Variants in ZC3H11A observed in about 807,000 individuals in gnomAD.
ZC3H11A encodes zinc finger CCCH domain-containing protein 11A.
In ZC3H11A, 22 loss-of-function variants were observed where a neutral mutation model predicts 90.8. The ratio of observed to expected loss-of-function variants is 0.24; its 90% CI spans 0.17 to 0.35. The LOEUF is 0.35. Ranked by LOEUF, ZC3H11A falls within the 10% of genes least tolerant of loss-of-function variation. The pLI is 1.00. For missense variants in ZC3H11A, 701 were observed against 964.9 expected (o/e 0.73, Z 3.62); for synonymous variants, 294 against 339.8 (o/e 0.87, Z 1.48).
chr1:203,827,013 T>C (rs948821521), intron 4 of ZC3H11A, among the ~76,000 whole-genome samples: 6 of 152,158 alleles, frequency 3.9e-5, no homozygotes, highest in Non-Finnish European at 8.8e-5. Flanking sequence ...TACTCTACCA[T>C]GGAGAAGTTT....
chr1:203,848,385 G>C lies in ZC3H11A; in HGVS notation c.1601G>C (p.Ser534Thr). Residue 534 changes from serine to threonine, a missense_variant, in exon 14 of 18, where the codon AGT (serine) becomes ACT (threonine). Around this residue, in one of 4 missense-constraint regions of ZC3H11A, gnomAD observed 530 missense variants for 696.2 expected, o/e 0.76. Coordinates refer to ENST00000367210, the MANE Select transcript of ZC3H11A (RefSeq NM_001376342.1). Reference sequence around the variant, plus strand: ...GGAAATGAAGTTGATTCTCAGAGCAGTATTAGAACAGAAGCTAAAGAGGTA... The same window carrying C: ...GGAAATGAAGTTGATTCTCAGAGCACTATTAGAACAGAAGCTAAAGAGGTA... Reference protein sequence around the residue: ...QEGNEVDSQSSIRTEAKEASG... With the variant: ...QEGNEVDSQSTIRTEAKEASG... 1 of 1,611,964 alleles carries C rather than the reference G, an allele frequency of 6.2e-7. No individual in the cohort carries two copies. Among genetic ancestry groups the C allele is most frequent in the Non-Finnish European group, 8.5e-7 (1 of 1,179,276 alleles).
At chr1:203,797,714 AAAG>A (rs1558085841) in intron 1 of ZC3H11A, 2 of 1,535,200 alleles carry the variant, frequency 1.3e-6, no homozygotes, top group Non-Finnish European at 1.7e-6. Flanking sequence ...AAAAGAAAAG[AAAG>A]AAGGGTTTGC....
Position 203,806,948 on chromosome 1 carries a change from G to GT in ZC3H11A, c.-146+3938dup, listed in dbSNP as rs1672603829. On this transcript the variant is annotated intron_variant, in intron 2 of 17. Transcript: ENST00000367210. ...CAAAAATTACTACAGGATTTTTTTT[G>GT]TTTTTTACCCCTTTTACTCTAGTAA... is the stretch of plus-strand genomic sequence containing the variant. 2.5e-5 allele frequency among the ~76,000 whole-genome samples: 3 copies of GT among 121,502 alleles called. 1 individual carries two copies. In the South Asian group the frequency reaches 7.8e-4, roughly 32 times the overall value. The allele number at this position is 121,502 out of a possible 152,430, so 79.7% of individuals were successfully genotyped here. A position where few individuals can be genotyped will look rare whatever the true frequency, so the allele number is the denominator to read the frequency against.
At chr1:203,839,235 AG>A (rs1425010096) in intron 11 of ZC3H11A, among the ~76,000 whole-genome samples, 1 of 152,210 alleles carries the variant, frequency 6.6e-6, no homozygotes, top group Admixed American at 6.5e-5. Flanking sequence ...TTTAAAGACA[AG>A]GTTTCACAGT....
rs1438089762 is a variant in ZC3H11A at position 203,801,618 on chromosome 1, T to C, written c.-1544T>C. ...CCCAAAAAATTCCTGGAAAATTGAC[T>C]AGTATTAAGTGTGAGTAAAAGGTGT... On this transcript the variant is annotated 5_prime_UTR_variant, in exon 2 of 18. Coordinates refer to ENST00000367210, the MANE Select transcript of ZC3H11A (RefSeq NM_001376342.1). 6.6e-6 allele frequency: 1 copy of C among 152,586 alleles called. No individual in the cohort carries two copies. Among genetic ancestry groups the C allele is most frequent in the East Asian group, 1.9e-4 (1 of 5,202 alleles). The allele number at this position is 152,586 out of a possible 1,614,324, so 9.5% of individuals were successfully genotyped here.
chr1:203,830,246 G>C, intron 8 of ZC3H11A, 43 bp downstream of exon 8: 1 of 1,462,080 alleles, frequency 6.8e-7, no homozygotes, highest in South Asian at 1.2e-5. Context: ...ATGTTGCTAG[G>C]GAAGAATACT....
intron 2 of ZC3H11A, among the ~76,000 whole-genome samples, chr1:203,816,534 G>A (rs1328966893): frequency 6.6e-6 from 1 of 152,114 alleles, no homozygotes; most frequent in Non-Finnish European, 1.5e-5. Flanking sequence ...GGGAGGCTGA[G>A]GTGGGAGAAT....
At chr1:203,837,858 A>G (rs1202201386) in intron 10 of ZC3H11A, 108 bp from the exon 11 acceptor site, 2 of 1,002,820 alleles carry the variant, frequency 2.0e-6, no homozygotes, top group Admixed American at 2.5e-5. Flanking sequence ...CGCCATATGT[A>G]TGCAGAACAC....
chr1:203,805,464 C>G (rs564126585), intron 2 of ZC3H11A, among the ~76,000 whole-genome samples: 1 of 152,108 alleles, frequency 6.6e-6, no homozygotes, highest in East Asian at 1.9e-4. Flanking sequence ...AAGCATTTCC[C>G]AAGCAATGAG....
At chr1:203,848,299 A>T (rs777071589) in intron 13 of ZC3H11A, 32 bp from the exon 14 acceptor site, 1 of 1,565,606 alleles carries the variant, frequency 6.4e-7, no homozygotes, top group Non-Finnish European at 8.7e-7. Context: ...GCTTAAATAA[A>T]ATAACTAATG....
intron 1 of ZC3H11A, chr1:203,798,694 T>C: frequency 6.5e-7 from 1 of 1,535,992 alleles, no homozygotes; most frequent in Non-Finnish European, 8.7e-7. Context: ...CAAGGCACTC[T>C]GATGCGTGCG....
At chr1:203,833,738 T>C (rs1683266378) in intron 9 of ZC3H11A, 53 bp from the exon 10 acceptor site, 6 of 1,539,556 alleles carry the variant, frequency 3.9e-6, no homozygotes, top group Non-Finnish European at 5.3e-6. Flanking sequence ...TAGTAGTTAC[T>C]GAATACAGAA....
intron 2 of ZC3H11A, among the ~76,000 whole-genome samples, chr1:203,805,122 C>T (rs1358389410): frequency 1.3e-5 from 2 of 150,142 alleles, no homozygotes; most frequent in East Asian, 3.9e-4. Flanking sequence ...AATCAAAATA[C>T]CCACTTCTGA....
In ZC3H11A at chr1:203,854,081, G is replaced by T. The variant is rs745645181; in HGVS notation, c.*1682G>T. On this transcript the variant is annotated 3_prime_UTR_variant, in exon 18 of 18. Coordinates refer to ENST00000367210, the MANE Select transcript of ZC3H11A (RefSeq NM_001376342.1). Reference sequence around the variant, plus strand: ...TGAACCATTTGCCCTTACAGAAAGAGAAATACTTGTTTGTGTTTTAAATAA... The same window carrying T: ...TGAACCATTTGCCCTTACAGAAAGATAAATACTTGTTTGTGTTTTAAATAA... The T allele has an allele frequency of 2.6e-5, 4 of 152,608 alleles. No individual in the cohort carries two copies. The highest frequency in any genetic ancestry group is 2.0e-4 in the Admixed American group (3 of 15,282). 9.5% of individuals were successfully genotyped at this position (152,608 alleles called of 1,614,324 possible).
chr1:203,842,722 T>G (rs1031271856), intron 12 of ZC3H11A, among the ~76,000 whole-genome samples: 1 of 151,198 alleles, frequency 6.6e-6, no homozygotes, highest in Non-Finnish European at 1.5e-5. Context: ...TGTAAAGATA[T>G]AAACATATAC....
At chr1:203,836,410 T>G (rs2365980) in intron 10 of ZC3H11A, among the ~76,000 whole-genome samples, 1 of 151,878 alleles carries the variant, frequency 6.6e-6, no homozygotes, top group Non-Finnish European at 1.5e-5. Flanking sequence ...TAAAAAACCG[T>G]TTTTAAAAAC....
At chr1:203,818,939 T>C (rs920510644) in intron 4 of ZC3H11A, among the ~76,000 whole-genome samples, 21 of 151,320 alleles carry the variant, frequency 1.4e-4, no homozygotes, top group Admixed American at 4.0e-4. Flanking sequence ...TGTGGTGGCA[T>C]GTGCCTGTAA....
At chr1:203,800,047 C>T (rs1224337109) in intron 1 of ZC3H11A, 1 of 1,536,108 alleles carries the variant, frequency 6.5e-7, no homozygotes, top group South Asian at 1.2e-5. Context: ...AGTTCAGGTT[C>T]TGTTGATAGC....
At chr1:203,850,250 A>G (rs532916497) in intron 15 of ZC3H11A, 33 of 650,430 alleles carry the variant, frequency 5.1e-5, no homozygotes, top group Middle Eastern at 4.1e-4. Flanking sequence ...AAAACTTTCT[A>G]TGGTGCATCT....
Sources: allele counts gnomAD v4.1 joint callset (sites outside exome capture counted in the v4.1 genomes callset), GRCh38; gene constraint gnomAD v4.1.1; regional missense constraint gnomAD v4.1.1; transcripts MANE v1.5; gene names NCBI Gene and HGNC (gene_info 2026-07-23, HGNC 2026-07-21).